The following GABRA3 variants were observed in gnomAD, a reference collection of about 807,000 sequenced individuals.
The protein encoded by GABRA3 is gamma-aminobutyric acid type A receptor subunit alpha3.
In GABRA3, 10 loss-of-function variants were observed where a neutral mutation model predicts 30.1. The observed-to-expected ratio is 0.33, with a 90% confidence interval of 0.20 to 0.56. GABRA3 has a LOEUF of 0.56. Ranked by LOEUF, GABRA3 falls within the 20% of genes least tolerant of loss-of-function variation. The probability of loss-of-function intolerance (pLI) is 0.89; values close to 1 mark genes in which losing one functional copy is unlikely to be tolerated. For synonymous variants in GABRA3, 151 were observed against 146.8 expected, an observed-to-expected ratio of 1.03 and a Z score of -0.21; for missense variants, 233 against 392.0, an observed-to-expected ratio of 0.59 and a Z score of 3.42.
intron 9 of GABRA3, among the ~76,000 whole-genome samples, chrX:152,179,556 G>A (rs779456907): frequency 9.5e-5 from 10 of 105,040 alleles, no homozygotes; most frequent in South Asian, 4.6e-4. Context: ...GTGCAGTGGC[G>A]CGATCTCGGC....
chrX:152,249,950 C>G (rs760754595), intron 5 of GABRA3, among the ~76,000 whole-genome samples: 1 of 111,305 alleles, frequency 9.0e-6, no homozygotes, highest in Non-Finnish European at 1.9e-5. Flanking sequence ...CCATAGTACT[C>G]TCTCTTTCCC....
intron 1 of GABRA3, among the ~76,000 whole-genome samples, chrX:152,396,264 C>T (rs1047418666): frequency 2.7e-5 from 3 of 111,867 alleles, no homozygotes; most frequent in Admixed American, 9.5e-5. Context: ...AAGGATGACT[C>T]CTTTGCTAGG....
chrX:152,230,098 G>A (rs1311717205), intron 5 of GABRA3, among the ~76,000 whole-genome samples: 1 of 111,484 alleles, frequency 9.0e-6, no homozygotes, highest in African/African-American at 3.3e-5. Flanking sequence ...AAGAAATGGG[G>A]AATGACTGCT....
chrX:152,380,694 A>G (rs1929119752), intron 1 of GABRA3, among the ~76,000 whole-genome samples: 1 of 111,756 alleles, frequency 8.9e-6, no homozygotes, highest in Non-Finnish European at 1.9e-5. Context: ...TGATAATGTA[A>G]TTTACATTCC....
rs983290361 is a variant in GABRA3 at position 152,167,781 on chromosome X, T to C, written c.*447A>G. 3.9e-5 allele frequency: 5 copies of C among 128,144 alleles called. No homozygotes were observed. In the East Asian group the frequency reaches 1.1e-3, roughly 28 times the overall value. 10.6% of individuals were successfully genotyped at this position (128,144 alleles called of 1,213,427 possible). On this transcript the variant is annotated 3_prime_UTR_variant, in exon 10 of 10. Transcript: ENST00000370314. ...AAGGCAGGGGAGGTGGCACGCAGGA[T>C]CACATGGCCTAGCCTAACCTGGCTG...
chrX:152,336,187 C>G (rs754559046), intron 3 of GABRA3, among the ~76,000 whole-genome samples: 5 of 109,554 alleles, frequency 4.6e-5, no homozygotes, highest in East Asian at 5.8e-4. Flanking sequence ...TATCTCCCCC[C>G]CTTCATTTTT....
chrX:152,281,013 G>T (rs1331930398), intron 4 of GABRA3, among the ~76,000 whole-genome samples: 1 of 110,875 alleles, frequency 9.0e-6, no homozygotes. Flanking sequence ...CATGCTCAGG[G>T]ACTAGAAGAG....
intron 8 of GABRA3, among the ~76,000 whole-genome samples, chrX:152,197,035 A>T (rs1387852175): frequency 8.9e-6 from 1 of 112,101 alleles, no homozygotes; most frequent in Non-Finnish European, 1.9e-5. Flanking sequence ...AGTGGGAAAA[A>T]TAGGCAGGAA....
At chrX:152,329,258 A>C (rs893216156) in intron 3 of GABRA3, among the ~76,000 whole-genome samples, 1 of 111,864 alleles carries the variant, frequency 8.9e-6, no homozygotes, top group South Asian at 3.8e-4. Context: ...TATCGTGAAA[A>C]TGGCCATACT....
At chrX:152,294,985 G>T (rs982894419) in intron 3 of GABRA3, among the ~76,000 whole-genome samples, 17 of 111,128 alleles carry the variant, frequency 1.5e-4, no homozygotes, top group Non-Finnish European at 2.5e-4. Context: ...GACCCTGTTT[G>T]CCTGGGTATC....
chrX:152,410,254 G>A (rs1930036854), intron 1 of GABRA3, among the ~76,000 whole-genome samples: 1 of 111,644 alleles, frequency 9.0e-6, no homozygotes, highest in Non-Finnish European at 1.9e-5. Context: ...AGAGGTAATG[G>A]TTATTGAGCA....
chrX:152,168,475 G>T lies in GABRA3; in HGVS notation c.1232C>A (p.Thr411Asn), dbSNP rs1708229870. 1 of 1,211,532 alleles carries T rather than the reference G, an allele frequency of 8.3e-7. No homozygotes were observed. Among genetic ancestry groups the T allele is most frequent in the Non-Finnish European group, 1.1e-6 (1 of 895,072 alleles). The change falls in exon 10 of 10, where the codon ACT becomes AAT. Residue 411 changes from threonine (T) to asparagine (N), a missense_variant. Thr to Asn is a moderately conservative substitution (Grantham distance 65). Transcript: ENST00000370314. ...TTYPINLAKD[T>N]EFSTISKGAA... Reference sequence around the variant, plus strand: ...GCCCTTGGAGATGGTGGAAAATTCAGTGTCCTTGGCCAGGTTGATGGGATA... The same window carrying T: ...GCCCTTGGAGATGGTGGAAAATTCATTGTCCTTGGCCAGGTTGATGGGATA...
intron 5 of GABRA3, among the ~76,000 whole-genome samples, chrX:152,236,975 G>C (rs1250257154): frequency 9.4e-6 from 1 of 106,094 alleles, no homozygotes; most frequent in Non-Finnish European, 1.9e-5. Flanking sequence ...AGTTTCTTTA[G>C]TTGTGCAGAA....
At chrX:152,294,756 C>T (rs957089992) in intron 3 of GABRA3, among the ~76,000 whole-genome samples, 6 of 111,997 alleles carry the variant, frequency 5.4e-5, no homozygotes, top group African/African-American at 1.9e-4. Context: ...TTCTCCCCAT[C>T]TTTGTTGTTT....
At chrX:152,384,752 C>G (rs1457832656) in intron 1 of GABRA3, among the ~76,000 whole-genome samples, 2 of 111,989 alleles carry the variant, frequency 1.8e-5, no homozygotes, top group Non-Finnish European at 3.8e-5. Flanking sequence ...ACTGTTAAAA[C>G]AGACTACATT....
chrX:152,352,589 G>C (rs779838312), intron 2 of GABRA3, among the ~76,000 whole-genome samples: 2 of 111,388 alleles, frequency 1.8e-5, no homozygotes, highest in Non-Finnish European at 3.8e-5. Flanking sequence ...AGTTGCTGAC[G>C]CAGTTCATAC....
At chrX:152,292,373 C>G (rs1939437154) in intron 3 of GABRA3, among the ~76,000 whole-genome samples, 1 of 111,820 alleles carries the variant, frequency 8.9e-6, no homozygotes, top group Non-Finnish European at 1.9e-5. Context: ...GTTTGTATTT[C>G]TGTGGGATCG....
intron 4 of GABRA3, among the ~76,000 whole-genome samples, chrX:152,276,781 T>G (rs754296331): frequency 9.4e-6 from 1 of 106,528 alleles, no homozygotes; most frequent in Non-Finnish European, 2.0e-5. Flanking sequence ...TATGGATGAG[T>G]TTTATATAAA....
intron 8 of GABRA3, among the ~76,000 whole-genome samples, chrX:152,192,940 A>C (rs1182382238): frequency 1.8e-5 from 2 of 112,074 alleles, no homozygotes; most frequent in Non-Finnish European, 3.8e-5. Context: ...GTCTTAACTG[A>C]AACCTGACTC....
Sources: gnomAD v4.1 joint callset for allele counts (sites outside exome capture counted in the v4.1 genomes callset) on GRCh38, gnomAD v4.1.1 for gene constraint, MANE v1.5 for transcripts, NCBI Gene and HGNC (gene_info 2026-07-23, HGNC 2026-07-21) for gene names.